The following DIP2C variants were observed in gnomAD, a reference collection of about 807,000 sequenced individuals.
DIP2C encodes DIP2 acetate--CoA ligase C (putative), also known as disco-interacting protein 2 homolog C.
DIP2C carries 33 observed loss-of-function variants against 192.4 expected under a neutral mutation model. The ratio of observed to expected loss-of-function variants is 0.17; its 90% CI spans 0.13 to 0.23. The LOEUF (loss-of-function observed/expected upper bound fraction) is 0.23, where lower values mean the gene tolerates loss of function less well. DIP2C is among the 10% of genes least tolerant of loss of function. DIP2C has a pLI of 1.00. For synonymous variants in DIP2C, 979 were observed against 864.1 expected (o/e 1.13, Z -2.33); for missense variants, 1,537 against 2,110.1 (o/e 0.73, Z 5.32).
intron 25 of DIP2C, among the ~76,000 whole-genome samples, chr10:349,069 G>A (rs1470547846): frequency 1.3e-5 from 2 of 152,206 alleles, no homozygotes; most frequent in Non-Finnish European, 2.9e-5. Context: ...AATTACCTGA[G>A]GTATCTAATA....
At chr10:356,615 G>T in intron 23 of DIP2C, 109 bp from the exon 24 acceptor site, 1 of 844,956 alleles carries the variant, frequency 1.2e-6, no homozygotes, top group African/African-American at 1.7e-5. Context: ...AGTGCTTTGG[G>T]TCTTAAAACC....
chr10:419,302 C>A, intron 5 of DIP2C, 103 bp from the exon 6 acceptor site: 1 of 1,536,976 alleles, frequency 6.5e-7, no homozygotes, highest in Non-Finnish European at 8.9e-7. Flanking sequence ...GGTGCTCACC[C>A]TGGGTGTGCC....
intron 1 of DIP2C, among the ~76,000 whole-genome samples, chr10:674,956 A>G (rs752313794): frequency 2.6e-5 from 4 of 152,062 alleles, no homozygotes; most frequent in Admixed American, 1.3e-4. Flanking sequence ...ACAGACATTT[A>G]CAGAACATTT....
At chr10:568,744 C>A (rs1202756777) in intron 1 of DIP2C, among the ~76,000 whole-genome samples, 2 of 113,490 alleles carry the variant, frequency 1.8e-5, no homozygotes, top group East Asian at 5.9e-4. Flanking sequence ...CCAGCCTGGG[C>A]GACAGAGGGA....
chr10:512,637 C>T (rs116963535), intron 1 of DIP2C, among the ~76,000 whole-genome samples: 1,526 of 151,714 alleles, frequency 0.01, 41 homozygotes, highest in East Asian at 0.069. Context: ...AGGAGCTGGC[C>T]GGGCAGTGGC....
chr10:404,259 A>G (rs1267595725), intron 9 of DIP2C, among the ~76,000 whole-genome samples: 2 of 149,414 alleles, frequency 1.3e-5, no homozygotes, highest in Non-Finnish European at 3.0e-5. Flanking sequence ...CCCAGGCTGG[A>G]GTACAGTAGT....
intron 3 of DIP2C, among the ~76,000 whole-genome samples, chr10:455,071 G>T (rs1414996326): frequency 6.6e-6 from 1 of 152,188 alleles, no homozygotes; most frequent in Admixed American, 6.5e-5. Flanking sequence ...AGACAACCAT[G>T]AGTCAACAGA....
At chr10:422,282 C>T (rs1966244849) in intron 5 of DIP2C, among the ~76,000 whole-genome samples, 1 of 152,180 alleles carries the variant, frequency 6.6e-6, no homozygotes, top group Non-Finnish European at 1.5e-5. Context: ...AGCTCTTCCT[C>T]TAATAATTCT....
At chr10:497,163 T>C (rs1448405326) in intron 1 of DIP2C, among the ~76,000 whole-genome samples, 1 of 152,166 alleles carries the variant, frequency 6.6e-6, no homozygotes, top group Non-Finnish European at 1.5e-5. Flanking sequence ...TTACTCACAA[T>C]ACCCCAAACA....
intron 1 of DIP2C, among the ~76,000 whole-genome samples, chr10:529,114 G>A (rs146148862): frequency 7.2e-5 from 11 of 152,258 alleles, no homozygotes; most frequent in East Asian, 3.9e-4. Context: ...GGGCAGATCC[G>A]TTCAATCCCA....
intron 1 of DIP2C, among the ~76,000 whole-genome samples, chr10:524,012 T>A (rs966349067): frequency 3.3e-4 from 50 of 152,250 alleles, no homozygotes; most frequent in Admixed American, 7.8e-4. Context: ...GGGCTTCCCA[T>A]AAGCACTCCC....
At chr10:619,091 T>C (rs537834530) in intron 1 of DIP2C, among the ~76,000 whole-genome samples, 17 of 152,146 alleles carry the variant, frequency 1.1e-4, no homozygotes, top group Non-Finnish European at 2.4e-4. Context: ...GGACATACCT[T>C]CAGTTATGTG....
chr10:603,334 C>CAAAAAAAAAAAAAAAAAAAAAAA (rs1491589258), intron 1 of DIP2C, among the ~76,000 whole-genome samples: 1 of 72,770 alleles, frequency 1.4e-5, no homozygotes, highest in African/African-American at 7.9e-5. Flanking sequence ...AAAAAAAAAA[C>CAAAAAAAAAAAAAAAAAAAAAAA]CAACCATGAG....
At chr10:441,796 T>C (rs1372698483) in intron 3 of DIP2C, among the ~76,000 whole-genome samples, 3 of 152,224 alleles carry the variant, frequency 2.0e-5, no homozygotes, top group African/African-American at 7.2e-5. Flanking sequence ...TAACACGCTT[T>C]GTGGCTATGA....
chr10:490,622 G>C (rs1369700779), intron 1 of DIP2C, among the ~76,000 whole-genome samples: 1 of 152,116 alleles, frequency 6.6e-6, no homozygotes, highest in African/African-American at 2.4e-5. Flanking sequence ...ATTCCAAACA[G>C]CATATTTTCC....
chr10:423,694 A>G (rs1249341831), intron 4 of DIP2C, among the ~76,000 whole-genome samples: 1 of 151,646 alleles, frequency 6.6e-6, no homozygotes, highest in African/African-American at 2.4e-5. Flanking sequence ...TGTGTTAGAT[A>G]ACCATGCAGC....
At chr10:565,327 TAAA>T (rs1471512032) in intron 1 of DIP2C, among the ~76,000 whole-genome samples, 2 of 129,950 alleles carry the variant, frequency 1.5e-5, no homozygotes, top group Admixed American at 7.8e-5. Context: ...ATGTGACTCC[TAAA>T]AATATGAAAC....
chr10:337,341 G>GCTGTGT (rs1957873817), intron 29 of DIP2C, among the ~76,000 whole-genome samples: 1 of 74,024 alleles, frequency 1.4e-5, no homozygotes, highest in Non-Finnish European at 2.7e-5. Flanking sequence ...GGCCTAGGCA[G>GCTGTGT]GTGTGTGCGC....
intron 1 of DIP2C, among the ~76,000 whole-genome samples, chr10:597,966 G>A (rs544496440): frequency 7.2e-5 from 11 of 152,270 alleles, no homozygotes; most frequent in South Asian, 4.1e-4. Context: ...TCTACCCCAC[G>A]GTTCCCTACC....
Sources: gnomAD v4.1 joint callset for allele counts (sites outside exome capture counted in the v4.1 genomes callset) on GRCh38, gnomAD v4.1.1 for gene constraint, MANE v1.5 for transcripts, NCBI Gene and HGNC (gene_info 2026-07-23, HGNC 2026-07-21) for gene names.